PRKCQ: variants seen among roughly 807,000 people sequenced by gnomAD.
PRKCQ encodes protein kinase C theta type.
In PRKCQ, 41 loss-of-function variants were observed where a neutral mutation model predicts 91.2. The ratio of observed to expected loss-of-function variants is 0.45; its 90% CI spans 0.35 to 0.58. The LOEUF (loss-of-function observed/expected upper bound fraction) is 0.58. Ranked by LOEUF, PRKCQ falls within the 20% of genes least tolerant of loss-of-function variation. PRKCQ has a pLI of 0.00. For synonymous variants in PRKCQ, 307 were observed against 316.9 expected (o/e 0.97, Z 0.33); for missense variants, 673 against 896.5 (o/e 0.75, Z 3.18).
chr10:6,563,025 A>G (rs964835275), intron 1 of PRKCQ, among the ~76,000 whole-genome samples: 8 of 152,106 alleles, frequency 5.3e-5, no homozygotes, highest in African/African-American at 1.9e-4. Context: ...GATTCTTTCA[A>G]GGTGGGCTTC....
chr10:6,408,057 T>TTC, the PRKCQ span, among the ~76,000 whole-genome samples: 1 of 142,654 alleles, frequency 7.0e-6, no homozygotes, highest in African/African-American at 2.6e-5. Context: ...TTTTTTTTTT[T>TTC]TTTTTTTTTT....
At chr10:6,543,341 G>C (rs936213707) in intron 1 of PRKCQ, among the ~76,000 whole-genome samples, 1 of 152,202 alleles carries the variant, frequency 6.6e-6, no homozygotes, top group Non-Finnish European at 1.5e-5. Context: ...TTTCAGCTGA[G>C]CGCAGTCTGG....
At chr10:6,407,182 G>A in the PRKCQ span, among the ~76,000 whole-genome samples, 23 of 152,138 alleles carry the variant, frequency 1.5e-4, no homozygotes, top group Admixed American at 2.0e-4. The surrounding 1 kb of genome is among the most constrained non-coding windows in gnomAD (Gnocchi z 4.0). Context: ...CTGGAGACAT[G>A]AGACAGAGAA....
chr10:6,472,563 G>C (rs912673678), intron 12 of PRKCQ, among the ~76,000 whole-genome samples: 1 of 152,212 alleles, frequency 6.6e-6, no homozygotes, highest in African/African-American at 2.4e-5. Flanking sequence ...TTTACGCCTT[G>C]AGAGAGATGC....
intron 11 of PRKCQ, 137 bp downstream of exon 11, chr10:6,483,303 C>T: frequency 8.7e-7 from 1 of 1,154,184 alleles, no homozygotes; most frequent in Non-Finnish European, 1.3e-6. Flanking sequence ...CCTATTTATT[C>T]AGCGCTCCCT....
At chr10:6,495,414 C>A (rs1041880822) in intron 7 of PRKCQ, among the ~76,000 whole-genome samples, 4 of 152,198 alleles carry the variant, frequency 2.6e-5, no homozygotes, top group African/African-American at 7.2e-5. Context: ...GTCTTCCAGC[C>A]TGTAAGGAGC....
the PRKCQ span, among the ~76,000 whole-genome samples, chr10:6,411,655 C>T: frequency 1.3e-5 from 2 of 152,308 alleles, no homozygotes; most frequent in African/African-American, 4.8e-5. Flanking sequence ...TGTTTTTGCA[C>T]AGCAGGGTTG....
chr10:6,498,793 T>A (rs1169478395), intron 4 of PRKCQ, among the ~76,000 whole-genome samples: 1 of 152,174 alleles, frequency 6.6e-6, no homozygotes, highest in African/African-American at 2.4e-5. Context: ...CAATGTTGGA[T>A]TGCTGGCTCA....
At chr10:6,575,946 A>T (rs1402794276) in intron 1 of PRKCQ, among the ~76,000 whole-genome samples, 1 of 152,170 alleles carries the variant, frequency 6.6e-6, no homozygotes, top group East Asian at 1.9e-4. Flanking sequence ...AGGCTGAGGC[A>T]GGAGAATTGC....
intron 2 of PRKCQ, 24 bp downstream of exon 2, chr10:6,514,994 C>G (rs1224032677): frequency 6.2e-7 from 1 of 1,612,296 alleles, no homozygotes; most frequent in Non-Finnish European, 8.5e-7. Context: ...TCCTCCCCCG[C>G]TTTGAAAATC....
intron 1 of PRKCQ, among the ~76,000 whole-genome samples, chr10:6,564,401 T>G (rs1840758889): frequency 6.6e-6 from 1 of 152,132 alleles, no homozygotes; most frequent in Non-Finnish European, 1.5e-5. Flanking sequence ...CTCCCACCTG[T>G]CCTTCTGCGA....
At chr10:6,512,719 C>T (rs74889540) in intron 2 of PRKCQ, among the ~76,000 whole-genome samples, 15 of 152,262 alleles carry the variant, frequency 9.9e-5, no homozygotes, top group African/African-American at 3.6e-4. Flanking sequence ...CTAAACAGAG[C>T]AGACATTTAG....
At chr10:6,560,311 T>C (rs1840579662) in intron 1 of PRKCQ, among the ~76,000 whole-genome samples, 1 of 152,032 alleles carries the variant, frequency 6.6e-6, no homozygotes, top group East Asian at 1.9e-4. Context: ...TGGAGTATTT[T>C]GAGACTAGGT....
chr10:6,508,750 G>T (rs1838322859), intron 3 of PRKCQ, among the ~76,000 whole-genome samples: 1 of 152,178 alleles, frequency 6.6e-6, no homozygotes, highest in East Asian at 1.9e-4. Context: ...GTGACCACAA[G>T]GTTGGCAGTA....
chr10:6,486,261 G>T, intron 8 of PRKCQ, 117 bp from the exon 9 acceptor site: 1 of 811,838 alleles, frequency 1.2e-6, no homozygotes, highest in Non-Finnish European at 2.0e-6. Flanking sequence ...AAGTGCCACG[G>T]CTGGGAGGAA....
the PRKCQ span, among the ~76,000 whole-genome samples, chr10:6,402,250 T>A: frequency 6.6e-6 from 1 of 151,468 alleles, no homozygotes; most frequent in African/African-American, 2.4e-5. Context: ...CTAATGTTGA[T>A]GGGTGCAGGA....
chr10:6,420,012 G>C, the PRKCQ span, among the ~76,000 whole-genome samples: 1 of 150,560 alleles, frequency 6.6e-6, no homozygotes, highest in South Asian at 2.1e-4. Context: ...TTTTGAGACA[G>C]AGTCTCACTC....
rs1332709227 is a variant in PRKCQ at position 6,465,885 on chromosome 10, C to A, written c.1354-1481G>T. Among the ~76,000 whole-genome samples, 2 of 152,172 alleles carry A rather than the reference C, an allele frequency of 1.3e-5. No homozygotes were observed. Among genetic ancestry groups the A allele is most frequent in the African/African-American group, 4.8e-5 (2 of 41,444 alleles). On this transcript the variant is annotated intron_variant, in intron 12 of 17. Coordinates refer to ENST00000263125, the MANE Select transcript of PRKCQ (RefSeq NM_006257.5). The surrounding 1 kb of genome is among the most constrained non-coding windows in gnomAD (Gnocchi z 4.4). ...CCACCCTTTTCTCTTCTGGACAGGC[C>A]CAAATTCTCAGCTGACATAAATCAT...
chr10:6,501,306 A>G (rs1463536636), intron 4 of PRKCQ, among the ~76,000 whole-genome samples: 1 of 152,140 alleles, frequency 6.6e-6, no homozygotes, highest in Non-Finnish European at 1.5e-5. Flanking sequence ...GATGATGTTC[A>G]AGATTGGGGA....
Sources: gnomAD v4.1 joint callset for allele counts (sites outside exome capture counted in the v4.1 genomes callset) on GRCh38, gnomAD v4.1.1 for gene constraint, Gnocchi (gnomAD v3.1) non-coding constraint, MANE v1.5 for transcripts, NCBI Gene and HGNC (gene_info 2026-07-23, HGNC 2026-07-21) for gene names.